MPHOSPH10: variants seen among roughly 807,000 people sequenced by gnomAD.
The protein encoded by MPHOSPH10 is M-phase phosphoprotein 10.
Under a neutral mutation model 77.3 loss-of-function variants are expected in MPHOSPH10, and 33 were observed. That is an observed-to-expected ratio of 0.43 (90% CI 0.32 to 0.57). MPHOSPH10 has a LOEUF of 0.57. Ranked by LOEUF, MPHOSPH10 falls within the 20% of genes least tolerant of loss-of-function variation. The pLI is 0.07. For missense variants in MPHOSPH10, 708 were observed against 780.1 expected (o/e 0.91, Z 1.10); for synonymous variants, 245 against 268.0 (o/e 0.91, Z 0.84).
chr2:71,145,047 G>A (rs1673681637), intron 8 of MPHOSPH10, among the ~76,000 whole-genome samples: 1 of 152,102 alleles, frequency 6.6e-6, no homozygotes, highest in Admixed American at 6.5e-5. Flanking sequence ...TTTAGGAGGT[G>A]GGAGAGTGAG....
At chr2:71,144,355 T>C (rs935767881) in intron 7 of MPHOSPH10, 73 bp from the exon 8 acceptor site, 2 of 1,105,924 alleles carry the variant, frequency 1.8e-6, no homozygotes, top group Admixed American at 2.2e-5. Flanking sequence ...AATACTCTCA[T>C]TGACCTTTAG....
At position 71,138,546 on chromosome 2, in the gene MPHOSPH10, G is replaced by A. The variant is rs357756; in HGVS notation, c.1155G>A (p.Gln385=). 0.31 allele frequency: 492,567 copies of A among 1,603,444 alleles called. 76,651 individuals are homozygous for A. Among genetic ancestry groups the A allele is most frequent in the Admixed American group, 0.41 (23,147 of 57,108 alleles). Reference sequence around the variant, plus strand: ...AGTTGTTAGAAAAAAAGCCGTGGCAGCTTCAGGGGGAAGTGACAGCACAGA... The same window carrying A: ...AGTTGTTAGAAAAAAAGCCGTGGCAACTTCAGGGGGAAGTGACAGCACAGA... ...EKELLEKKPW[Q]LQGEVTAQKR... is the part of the protein sequence containing the mutation. The change falls in exon 5 of 11, where the codon CAG becomes CAA. Residue 385 remains glutamine, a synonymous_variant. Transcript: ENST00000244230.
chr2:71,139,801 T>G lies in MPHOSPH10; in HGVS notation c.1247T>G (p.Val416Gly), dbSNP rs553705460. ...HFDHAVRMAP[V>G]ITEETTLQLE... ...AACGTTGTATATCCTTTAGCACCTG[T>G]GATTACAGAGGAAACCACCCTTCAA... is the stretch of plus-strand genomic sequence containing the variant. The change falls in exon 6 of 11, where the codon GTG (valine) becomes GGG (glycine). Residue 416 changes from valine to glycine, a missense_variant. By Grantham distance (109) the Val-to-Gly change is moderately radical. Around this residue, in one of 3 missense-constraint regions of MPHOSPH10, gnomAD observed 263 missense variants for 320.0 expected, o/e 0.82. Transcript: ENST00000244230. 19 of 1,608,164 alleles carry G rather than the reference T, an allele frequency of 1.2e-5. 1 individual carries two copies. The South Asian group carries it at 2.1e-4, about 18-fold the overall frequency.
chr2:71,132,741 G>A (rs775706775), intron 1 of MPHOSPH10, among the ~76,000 whole-genome samples, 157 bp from the exon 2 acceptor site: 8 of 152,182 alleles, frequency 5.3e-5, no homozygotes, highest in Non-Finnish European at 1.0e-4. Flanking sequence ...ATATATCAGT[G>A]TAGCTCATCA....
At chr2:71,149,809 C>A in intron 10 of MPHOSPH10, 57 bp from the exon 11 acceptor site, 1 of 1,463,714 alleles carries the variant, frequency 6.8e-7, no homozygotes, top group Non-Finnish European at 9.0e-7. Flanking sequence ...CTATTTTTGG[C>A]TTTTTTCACT....
chr2:71,140,478 G>T (rs1162717973), intron 6 of MPHOSPH10, among the ~76,000 whole-genome samples: 1 of 152,158 alleles, frequency 6.6e-6, no homozygotes. Flanking sequence ...TGCCATTCAT[G>T]AGGGCAAAAC....
At chr2:71,136,740 G>A (rs1673499128) in intron 4 of MPHOSPH10, among the ~76,000 whole-genome samples, 1 of 151,528 alleles carries the variant, frequency 6.6e-6, no homozygotes, top group African/African-American at 2.4e-5. Context: ...AAGAAAGAAA[G>A]GTTTGGTTTT....
At chr2:71,149,822 T>G (rs777469308) in intron 10 of MPHOSPH10, 44 bp from the exon 11 acceptor site, 1 of 1,488,438 alleles carries the variant, frequency 6.7e-7, no homozygotes, top group Non-Finnish European at 8.9e-7. Context: ...TTTTCACTTA[T>G]AAGTACATTT....
At chr2:71,133,712 A>G (rs1294541984) in intron 2 of MPHOSPH10, 136 bp downstream of exon 2, 1 of 1,051,170 alleles carries the variant, frequency 9.5e-7, no homozygotes. Context: ...TTATAAATGA[A>G]TCTGTACTTC....
chr2:71,139,977 C>T (rs1162302498), intron 6 of MPHOSPH10, 115 bp downstream of exon 6: 9 of 740,666 alleles, frequency 1.2e-5, no homozygotes, highest in Non-Finnish European at 2.0e-5. Context: ...TGTTCACAAA[C>T]CTTAAATCTA....
chr2:71,137,130 G>C (rs1673511926), intron 4 of MPHOSPH10, among the ~76,000 whole-genome samples: 1 of 151,662 alleles, frequency 6.6e-6, no homozygotes, highest in African/African-American at 2.4e-5. Context: ...CTCCATATAT[G>C]TCAGAAAGAC....
chr2:71,130,713 G>A lies in MPHOSPH10; in HGVS notation c.48G>A (p.Thr16=), dbSNP rs1334667393. The change falls in exon 1 of 11, where the codon ACG becomes ACA. Residue 16 remains threonine, a synonymous_variant. Coordinates refer to ENST00000244230, the MANE Select transcript of MPHOSPH10 (RefSeq NM_005791.3). ...WRRRTLERCL[T]EVGKATGRPE... is the part of the protein sequence containing the mutation. ...GACGGACCCTGGAGCGGTGTCTGAC[G>A]GAAGTCGGCAAAGCCACGGGTCGGC... 6.2e-7 allele frequency: 1 copy of A among 1,610,964 alleles called. No individual in the cohort carries two copies. Among genetic ancestry groups the A allele is most frequent in the Non-Finnish European group, 8.5e-7 (1 of 1,179,310 alleles).
intron 9 of MPHOSPH10, 186 bp downstream of exon 9, chr2:71,148,292 T>C (rs1264178964): frequency 3.7e-6 from 2 of 537,598 alleles, no homozygotes; most frequent in Non-Finnish European, 3.3e-6. Context: ...TATTCTGGCT[T>C]TATTATGAGG....
In MPHOSPH10 at chr2:71,148,179, A is replaced by G. The variant is rs1439463554; in HGVS notation, c.1665+73A>G. On this transcript the variant is annotated intron_variant, in intron 9 of 10. Transcript: ENST00000244230. ...ATCATAGCCAGACTCCATTTATTTG[A>G]CGTCATTTGCCTTGCACTTGTAGTT... 30 of 1,314,034 alleles carry G rather than the reference A, an allele frequency of 2.3e-5. No homozygotes were observed. The South Asian group carries it at 3.6e-4, about 16-fold the overall frequency. 81.4% of individuals were successfully genotyped at this position (1,314,034 alleles called of 1,614,324 possible).
intron 6 of MPHOSPH10, 38 bp downstream of exon 6, chr2:71,139,900 C>G (rs1673579190): frequency 5.8e-6 from 8 of 1,376,300 alleles, no homozygotes; most frequent in Non-Finnish European, 8.1e-6. Context: ...CAAAATGTCA[C>G]CAAGATTTTT....
chr2:71,135,127 C>T lies in MPHOSPH10; in HGVS notation c.1098+330C>T, dbSNP rs34827332. Reference sequence around the variant, plus strand: ...GCTGCGGTGAGCTAAGATTGCATCACTGCTCTCTAGCCTGGGCGGCAAGCA... The same window carrying T: ...GCTGCGGTGAGCTAAGATTGCATCATTGCTCTCTAGCCTGGGCGGCAAGCA... On this transcript the variant is annotated intron_variant, in intron 4 of 10. Coordinates refer to ENST00000244230, the MANE Select transcript of MPHOSPH10 (RefSeq NM_005791.3). 5.3e-4 allele frequency among the ~76,000 whole-genome samples: 81 copies of T among 152,356 alleles called. 1 individual carries two copies. The highest frequency in any genetic ancestry group is 9.0e-4 in the Non-Finnish European group (61 of 68,034).
chr2:71,149,531 G>A, intron 10 of MPHOSPH10, 78 bp downstream of exon 10: 3 of 1,350,644 alleles, frequency 2.2e-6, no homozygotes, highest in East Asian at 2.3e-5. Context: ...TGACTGGAAT[G>A]TCTGAGCCAG....
In MPHOSPH10 at chr2:71,133,553, C is replaced by T. The variant is rs1329839793; in HGVS notation, c.745C>T (p.Leu249=). ...DIDSDEDEGG[L]FGSKKLKSGK... ...TGATTCTGATGAAGATGAAGGGGGA[C>T]TGTTTGGAAGTAAAAAACTTAAGGT... is the stretch of plus-strand genomic sequence containing the variant. The change falls in exon 2 of 11, where the codon CTG becomes TTG. Residue 249 remains leucine (L), a synonymous_variant. Transcript: ENST00000244230. 3 of 1,596,330 alleles carry T rather than the reference C, an allele frequency of 1.9e-6. No homozygotes were observed. The highest frequency in any genetic ancestry group is 2.6e-6 in the Non-Finnish European group (3 of 1,173,268).
intron 7 of MPHOSPH10, 145 bp from the exon 8 acceptor site, chr2:71,144,283 G>A (rs561282168): frequency 1.6e-6 from 1 of 628,546 alleles, no homozygotes; most frequent in Admixed American, 2.9e-5. Flanking sequence ...TGGTACTGCT[G>A]CTTTTAATTT....
Sources: gnomAD v4.1 joint callset for allele counts (sites outside exome capture counted in the v4.1 genomes callset) on GRCh38, gnomAD v4.1.1 for gene constraint, gnomAD v4.1.1 regional missense constraint, MANE v1.5 for transcripts, NCBI Gene and HGNC (gene_info 2026-07-23, HGNC 2026-07-21) for gene names.